Variants in CADPS observed in about 807,000 individuals in gnomAD.
CADPS encodes the protein calcium dependent secretion activator.
Under a neutral mutation model 167.3 loss-of-function variants are expected in CADPS, and 57 were observed. That is an observed-to-expected ratio of 0.34 (90% confidence interval 0.28 to 0.42). The LOEUF is 0.42. CADPS is among the 20% of genes least tolerant of loss of function. The probability of loss-of-function intolerance (pLI) is 1.00; values close to 1 mark genes in which losing one functional copy is unlikely to be tolerated. For synonymous variants in CADPS, 676 were observed against 635.3 expected (o/e 1.06, Z -0.96); for missense variants, 1,414 against 1,738.1 (o/e 0.81, Z 3.32).
chr3:62,428,419 G>T (rs113071146), intron 28 of CADPS, among the ~76,000 whole-genome samples: 1 of 147,328 alleles, frequency 6.8e-6, no homozygotes, highest in Non-Finnish European at 1.5e-5. Context: ...CTGATCTAAC[G>T]TGCTGTTCCA....
rs1003291764 is a variant in CADPS at position 62,789,512 on chromosome 3, G to A, written c.442-23528C>T. Among the ~76,000 whole-genome samples, 4 of 152,236 alleles carry A rather than the reference G, an allele frequency of 2.6e-5. No individual in the cohort carries two copies. The East Asian group carries it at 7.7e-4, about 29-fold the overall frequency. On this transcript the variant is annotated intron_variant, in intron 1 of 29. Coordinates refer to ENST00000383710, the MANE Select transcript of CADPS (RefSeq NM_003716.4). The stretch of plus-strand genomic sequence containing the variant: ...ATAAATTTAACAGTATTTTGCTCAG[G>A]CTACTTTGCCCCAGTATGTTGTTCT...
At chr3:62,795,498 T>G (rs551092646) in intron 1 of CADPS, among the ~76,000 whole-genome samples, 21 of 152,322 alleles carry the variant, frequency 1.4e-4, no homozygotes, top group African/African-American at 4.6e-4. Flanking sequence ...TCTCCTTACA[T>G]TAGCTGGATT....
chr3:62,705,213 A>G (rs552695648), intron 3 of CADPS, among the ~76,000 whole-genome samples: 9 of 152,156 alleles, frequency 5.9e-5, no homozygotes, highest in African/African-American at 1.9e-4. Context: ...GAAACCAAAC[A>G]GTGTCTGGGG....
intron 3 of CADPS, among the ~76,000 whole-genome samples, chr3:62,729,711 T>C (rs2077402931): frequency 6.6e-6 from 1 of 151,840 alleles, no homozygotes; most frequent in Non-Finnish European, 1.5e-5. Flanking sequence ...CACCTCAATG[T>C]TATTATTGTT....
intron 3 of CADPS, among the ~76,000 whole-genome samples, chr3:62,683,897 C>T (rs1383018399): frequency 6.6e-6 from 1 of 151,936 alleles, no homozygotes; most frequent in Non-Finnish European, 1.5e-5. Context: ...AAGCGAAGAG[C>T]CATTCTCAAT....
chr3:62,409,579 G>A (rs1411808220), intron 28 of CADPS, among the ~76,000 whole-genome samples: 1 of 152,106 alleles, frequency 6.6e-6, no homozygotes, highest in South Asian at 2.1e-4. Context: ...TGAGTCCGAA[G>A]GCTACCATTT....
chr3:62,780,126 G>C (rs943059533), intron 1 of CADPS, among the ~76,000 whole-genome samples: 6 of 152,060 alleles, frequency 3.9e-5, no homozygotes, highest in African/African-American at 1.4e-4. Flanking sequence ...TTCCACCTTG[G>C]CCTCCCAAAA....
intron 3 of CADPS, among the ~76,000 whole-genome samples, chr3:62,711,752 T>C (rs2151809968): frequency 6.6e-6 from 1 of 152,352 alleles, no homozygotes; most frequent in South Asian, 2.1e-4. Context: ...GTAGCAGGTT[T>C]GCTCATTTCA....
intron 11 of CADPS, among the ~76,000 whole-genome samples, chr3:62,537,267 A>C (rs142995724): frequency 4.6e-5 from 7 of 152,368 alleles, no homozygotes; most frequent in African/African-American, 1.7e-4. Context: ...AAATTTACTC[A>C]GCAAGGGCTA....
At chr3:62,583,155 GTCTCTCTCTCTCTC>G (rs61474581) in intron 8 of CADPS, among the ~76,000 whole-genome samples, 9 of 147,298 alleles carry the variant, frequency 6.1e-5, no homozygotes, top group African/African-American at 1.5e-4. Context: ...TACCCTCTTT[GTCTCTCTCTCTCTC>G]TCTCTCTCTC....
rs779401308 is a variant in CADPS, at chr3:62,493,603, G to C, written c.2727+42C>G. On this transcript the variant is annotated intron_variant, in intron 19 of 29. Transcript: ENST00000383710. The stretch of plus-strand genomic sequence containing the variant: ...CTAACAGCCACTAGGAGGCAGAATA[G>C]GGGTCCACCTCTCTTCTTTCACGAG... The C allele has an allele frequency of 6.0e-6, 9 of 1,507,134 alleles. No individual in the cohort carries two copies. The Admixed American group carries it at 7.9e-5, about 13-fold the overall frequency. 93.4% of individuals were successfully genotyped at this position (1,507,134 alleles called of 1,614,324 possible). A position where few individuals can be genotyped will look rare whatever the true frequency, so the allele number is the denominator to read the frequency against.
intron 28 of CADPS, chr3:62,404,010 T>C (rs1433119483): frequency 6.6e-6 from 1 of 152,204 alleles, no homozygotes; most frequent in South Asian, 2.1e-4. Flanking sequence ...TGCAGTATAA[T>C]TTTGCAGTAC....
At chr3:62,675,325 T>C (rs750179869) in intron 3 of CADPS, among the ~76,000 whole-genome samples, 3 of 152,100 alleles carry the variant, frequency 2.0e-5, no homozygotes, top group Non-Finnish European at 4.4e-5. Flanking sequence ...TCAAAAAAGA[T>C]TGTAGATTTT....
At chr3:62,550,193 G>C in intron 10 of CADPS, 78 bp from the exon 11 acceptor site, 1 of 1,145,574 alleles carries the variant, frequency 8.7e-7, no homozygotes. Flanking sequence ...TGAAAAAGCA[G>C]TTTCTGCTGC....
At chr3:62,808,090 G>C (rs2094197946) in intron 1 of CADPS, among the ~76,000 whole-genome samples, 1 of 151,166 alleles carries the variant, frequency 6.6e-6, no homozygotes, top group Non-Finnish European at 1.5e-5. Flanking sequence ...GGCCAGACTG[G>C]TCTTGAACTC....
intron 11 of CADPS, among the ~76,000 whole-genome samples, chr3:62,542,849 A>G (rs780715796): frequency 6.6e-6 from 1 of 152,208 alleles, no homozygotes; most frequent in Non-Finnish European, 1.5e-5. Flanking sequence ...GATTTTGTCA[A>G]AGATCTCAAG....
At chr3:62,653,110 C>T (rs2070654504) in intron 4 of CADPS, among the ~76,000 whole-genome samples, 1 of 152,134 alleles carries the variant, frequency 6.6e-6, no homozygotes, top group Admixed American at 6.6e-5. Context: ...TGGGTTGGGT[C>T]CTCCTGTTGT....
intron 26 of CADPS, among the ~76,000 whole-genome samples, chr3:62,448,892 G>A (rs1049443492): frequency 1.3e-5 from 2 of 152,164 alleles, no homozygotes; most frequent in Middle Eastern, 6.3e-3. Flanking sequence ...GGGATTACAG[G>A]CGTGAGCCAC....
rs1004688707 is a variant in CADPS, at chr3:62,412,610, G to A, written c.3778-9425C>T. 5.3e-5 allele frequency among the ~76,000 whole-genome samples: 8 copies of A among 152,162 alleles called. No homozygotes were observed. The East Asian group carries it at 1.5e-3, about 29-fold the overall frequency. On this transcript the variant is annotated intron_variant, in intron 28 of 29. Transcript: ENST00000383710. This position sits in a 1 kb window ranked among gnomAD's most constrained non-coding sequence, Gnocchi z 4.1. ...ACCAAATTCCAACTCTGTAAAATGT[G>A]TAATAAGTAATTCTTTAGCATCAAA...
Sources: allele counts gnomAD v4.1 joint callset (sites outside exome capture counted in the v4.1 genomes callset), GRCh38; gene constraint gnomAD v4.1.1; non-coding constraint Gnocchi (gnomAD v3.1); transcripts MANE v1.5; gene names NCBI Gene and HGNC (gene_info 2026-07-23, HGNC 2026-07-21).